The following TRIM55 variants were observed in gnomAD, a reference collection of about 807,000 sequenced individuals.
TRIM55 encodes tripartite motif containing 55, also known as tripartite motif-containing protein 55.
In TRIM55, 50 loss-of-function variants were observed where a neutral mutation model predicts 60.9. The ratio of observed to expected loss-of-function variants is 0.82; its 90% CI spans 0.65 to 1.04. The LOEUF (loss-of-function observed/expected upper bound fraction) is 1.04, where lower values mean the gene tolerates loss of function less well. Among genes scored for constraint, TRIM55 ranks in the 50% least tolerant of loss-of-function variants. The probability of loss-of-function intolerance (pLI) is 0.00; values close to 1 mark genes in which losing one functional copy is unlikely to be tolerated. For missense variants in TRIM55, 681 were observed against 666.9 expected, an observed-to-expected ratio of 1.02 and a Z score of -0.23; for synonymous variants, 237 against 238.1, an observed-to-expected ratio of 1.00 and a Z score of 0.04.
At chr8:66,126,257 A>T (rs73246553), upstream of TRIM55, among the ~76,000 whole-genome samples, 9,667 of 152,296 alleles carry the variant, frequency 0.063, 437 homozygotes, top group African/African-American at 0.11. Context: ...TAGATCTGCC[A>T]CCTCCAGGTG....
chr8:66,142,781 G>A (rs1809892610), intron 4 of TRIM55, among the ~76,000 whole-genome samples: 2 of 152,320 alleles, frequency 1.3e-5, no homozygotes, highest in East Asian at 3.9e-4. Flanking sequence ...GCTGGTGGAG[G>A]GCTGAATCCC....
rs535486394 is a variant in TRIM55 at position 66,148,980 on chromosome 8, C to T, written c.604-665C>T. 2.1e-4 allele frequency among the ~76,000 whole-genome samples: 31 copies of T among 146,526 alleles called. No homozygotes were observed. The East Asian group carries it at 5.5e-3, about 26-fold the overall frequency. ...AGGAGAATTGCCTGAACCTGGGAGG[C>T]GGAGGTTGCAATGAGCCGAGATCAC... On this transcript the variant is annotated intron_variant, in intron 4 of 9. Transcript: ENST00000315962.
At chr8:66,124,121 C>T (rs970624249), upstream of TRIM55, among the ~76,000 whole-genome samples, 1 of 152,092 alleles carries the variant, frequency 6.6e-6, no homozygotes, top group Non-Finnish European at 1.5e-5. Context: ...CATAGCAGCC[C>T]CAGGGATCAT....
chr8:66,149,675 T>A lies in TRIM55; in HGVS notation c.634T>A (p.Cys212Ser), dbSNP rs746133998. Residue 212 changes from cysteine to serine, a missense_variant, in exon 5 of 10, where the codon TGT (cysteine) becomes AGT (serine). Physicochemically the swap from Cys to Ser is moderately radical, Grantham distance 112. Transcript: ENST00000315962. The stretch of plus-strand genomic sequence containing the variant: ...TTGCAGAAAACAGAAACAAGAGCTT[T>A]GTGAGAAGTTTGATTACCTGTATGG... ...ECCRKQKQEL[C>S]EKFDYLYGIL... 1 of 1,614,030 alleles carries A rather than the reference T, an allele frequency of 6.2e-7. No homozygotes were observed. Among genetic ancestry groups the A allele is most frequent in the Admixed American group, 1.7e-5 (1 of 60,014 alleles).
At chr8:66,172,822 G>A (rs752941525) in intron 9 of TRIM55, among the ~76,000 whole-genome samples, 1 of 152,206 alleles carries the variant, frequency 6.6e-6, no homozygotes, top group African/African-American at 2.4e-5. Flanking sequence ...GACCTTGATG[G>A]TCTGTTCATC....
At chr8:66,155,795 T>A (rs1810706591) in intron 9 of TRIM55, 4 of 964,228 alleles carry the variant, frequency 4.1e-6, no homozygotes, top group Non-Finnish European at 6.3e-6. Flanking sequence ...AGAGATTAAT[T>A]TCTCCCCAAA....
chr8:66,148,407 T>C (rs533101654), intron 4 of TRIM55, among the ~76,000 whole-genome samples: 1 of 152,348 alleles, frequency 6.6e-6, no homozygotes, highest in African/African-American at 2.4e-5. Context: ...GAGGATCTGG[T>C]AGATACAGAT....
intron 4 of TRIM55, among the ~76,000 whole-genome samples, chr8:66,140,137 G>A (rs1454704991): frequency 3.9e-5 from 6 of 152,194 alleles, no homozygotes; most frequent in South Asian, 4.1e-4. Flanking sequence ...GTTTGTGTAA[G>A]TACATTCTGT....
At chr8:66,148,011 A>G (rs574284638) in intron 4 of TRIM55, among the ~76,000 whole-genome samples, 1 of 152,202 alleles carries the variant, frequency 6.6e-6, no homozygotes, top group African/African-American at 2.4e-5. Flanking sequence ...AATAAAGGGT[A>G]TAGAATGGTC....
intron 9 of TRIM55, among the ~76,000 whole-genome samples, chr8:66,156,439 C>T (rs11985436): frequency 0.027 from 4,128 of 152,126 alleles, 169 homozygotes; most frequent in African/African-American, 0.093. Context: ...ATATTATTTC[C>T]GAGTCACCGT....
intron 5 of TRIM55, 150 bp from the exon 6 acceptor site, chr8:66,150,067 C>A: frequency 9.9e-7 from 1 of 1,014,790 alleles, no homozygotes; most frequent in Non-Finnish European, 1.4e-6. Context: ...CTGCTTAAAT[C>A]TAATAGGGTT....
intron 4 of TRIM55, among the ~76,000 whole-genome samples, chr8:66,138,330 C>A (rs7825257): frequency 0.33 from 50,150 of 152,030 alleles, 12,752 homozygotes; most frequent in African/African-American, 0.71. Flanking sequence ...ATAAATGGTA[C>A]TATGTGGTAT....
intron 3 of TRIM55, among the ~76,000 whole-genome samples, chr8:66,136,798 C>T (rs1809504327): frequency 1.3e-5 from 2 of 152,088 alleles, no homozygotes. Context: ...CATTTGGGTC[C>T]CTGAAGTCAC....
intron 9 of TRIM55, among the ~76,000 whole-genome samples, chr8:66,161,362 T>C (rs1811040291): frequency 6.6e-6 from 1 of 152,218 alleles, no homozygotes; most frequent in African/African-American, 2.4e-5. Context: ...TTCCGGGTTC[T>C]CTATTCTGTT....
At chr8:66,128,045 T>A (rs952610188) in intron 1 of TRIM55, among the ~76,000 whole-genome samples, 14 of 151,910 alleles carry the variant, frequency 9.2e-5, no homozygotes, top group African/African-American at 3.4e-4. Flanking sequence ...GAGTGTGGAG[T>A]TTCTGGCTGG....
rs767950228 is a variant in TRIM55 at position 66,152,645 on chromosome 8, T to C, written c.1236+18T>C. ...TGACACAGGTAACCCCTCCTGAGTC[T>C]CTTTCTACAGGGCACATGGGCGTGT... is the stretch of plus-strand genomic sequence containing the variant. On this transcript the variant is annotated intron_variant, in intron 8 of 9. Coordinates refer to ENST00000315962, the MANE Select transcript of TRIM55 (RefSeq NM_184085.2). 8.1e-6 allele frequency: 13 copies of C among 1,610,706 alleles called. No individual in the cohort carries two copies. The East Asian group carries it at 2.7e-4, about 33-fold the overall frequency.
chr8:66,140,521 A>G (rs141068958), intron 4 of TRIM55, among the ~76,000 whole-genome samples: 1 of 152,364 alleles, frequency 6.6e-6, no homozygotes, highest in Non-Finnish European at 1.5e-5. Flanking sequence ...CTCTTGACAC[A>G]TTAACCTTTG....
chr8:66,140,231 T>C (rs1401334367), intron 4 of TRIM55, among the ~76,000 whole-genome samples: 1 of 152,206 alleles, frequency 6.6e-6, no homozygotes, highest in Non-Finnish European at 1.5e-5. Context: ...TATTTACATA[T>C]AGCCTCCTAT....
In TRIM55 at chr8:66,154,120, C is replaced by G. The variant is rs777018632; in HGVS notation, c.1310C>G (p.Ala437Gly). The change falls in exon 9 of 10, where the codon GCG becomes GGG. Residue 437 changes from alanine to glycine, a missense_variant. By Grantham distance (60) the Ala-to-Gly change is moderately conservative. Transcript: ENST00000315962. ...ETPVPAAAETADPLFYPSWYK... is the reference protein window; with the variant it reads ...ETPVPAAAETGDPLFYPSWYK... The stretch of plus-strand genomic sequence containing the variant: ...CCAGTCCCTGCAGCAGCAGAAACTG[C>G]GGATCCCTTGTTTTACCCTAGTTGG... 1 of 1,613,996 alleles carries G rather than the reference C, an allele frequency of 6.2e-7. No homozygotes were observed. The highest frequency in any genetic ancestry group is 8.5e-7 in the Non-Finnish European group (1 of 1,179,994).
Sources: gnomAD v4.1 joint callset for allele counts (sites outside exome capture counted in the v4.1 genomes callset) on GRCh38, gnomAD v4.1.1 for gene constraint, MANE v1.5 for transcripts, NCBI Gene and HGNC (gene_info 2026-07-23, HGNC 2026-07-21) for gene names.